The following GRM7 variants were observed in gnomAD, a reference collection of about 807,000 sequenced individuals.
The protein encoded by GRM7 is metabotropic glutamate receptor 7.
GRM7 carries 35 observed loss-of-function variants against 84.5 expected under a neutral mutation model. The observed-to-expected ratio is 0.41, with a 90% CI of 0.32 to 0.55. The LOEUF (loss-of-function observed/expected upper bound fraction) is 0.55. GRM7 is among the 20% of genes least tolerant of loss of function. GRM7 has a pLI of 0.19. For synonymous variants in GRM7, 487 were observed against 455.1 expected (o/e 1.07, Z -0.89); for missense variants, 1,003 against 1,194.6 (o/e 0.84, Z 2.36).
At chr3:7,631,940 G>C (rs73810808) in intron 8 of GRM7, among the ~76,000 whole-genome samples, 1 of 152,202 alleles carries the variant, frequency 6.6e-6, no homozygotes, top group Non-Finnish European at 1.5e-5. Context: ...GAGTCAGAGA[G>C]TGGAACTAAT....
At chr3:7,092,183 C>T (rs1040622938) in intron 1 of GRM7, among the ~76,000 whole-genome samples, 14 of 151,852 alleles carry the variant, frequency 9.2e-5, no homozygotes, top group Admixed American at 5.9e-4. Context: ...TCTTTTAATC[C>T]GTGAAGTAAA....
At chr3:7,043,997 A>T (rs1696717485) in intron 1 of GRM7, among the ~76,000 whole-genome samples, 1 of 152,156 alleles carries the variant, frequency 6.6e-6, no homozygotes, top group Non-Finnish European at 1.5e-5. Flanking sequence ...TGCATTTTGT[A>T]TGTTGATTAA....
At chr3:7,679,811 A>G (rs2125140227) in intron 8 of GRM7, among the ~76,000 whole-genome samples, 1 of 152,328 alleles carries the variant, frequency 6.6e-6, no homozygotes, top group East Asian at 1.9e-4. Context: ...ACTTTAATAT[A>G]AGAGACTTCT....
chr3:7,008,417 T>C lies in GRM7; in HGVS notation c.520-138035T>C, dbSNP rs190007082. ...TGGAAACGTCTGATGACAATTCACA[T>C]CATCCTAGGAGGCCTTTACACTTAC... On this transcript the variant is annotated intron_variant, in intron 1 of 9. Transcript: ENST00000357716. Among the ~76,000 whole-genome samples the C allele has an allele frequency of 1.9e-3, 293 of 152,276 alleles. 2 individuals carry two copies. Among genetic ancestry groups the C allele is most frequent in the African/African-American group, 6.8e-3 (281 of 41,548 alleles).
intron 2 of GRM7, among the ~76,000 whole-genome samples, chr3:7,167,294 G>T (rs1375577887): frequency 6.6e-6 from 1 of 152,164 alleles, no homozygotes; most frequent in Admixed American, 6.5e-5. Flanking sequence ...TTCTTACGGA[G>T]CCTGTGACAC....
At chr3:7,126,250 C>A (rs1283025234) in intron 1 of GRM7, among the ~76,000 whole-genome samples, 1 of 152,176 alleles carries the variant, frequency 6.6e-6, no homozygotes, top group Non-Finnish European at 1.5e-5. Flanking sequence ...GGCTGCTGCT[C>A]TGGTACTTTG....
intron 5 of GRM7, among the ~76,000 whole-genome samples, chr3:7,440,397 G>C (rs921482228): frequency 6.6e-6 from 1 of 152,074 alleles, no homozygotes; most frequent in Non-Finnish European, 1.5e-5. Flanking sequence ...TTCTCTTTGG[G>C]GATGACTATT....
At chr3:6,936,644 G>A (rs1289537790) in intron 1 of GRM7, among the ~76,000 whole-genome samples, 4 of 152,120 alleles carry the variant, frequency 2.6e-5, no homozygotes, top group Non-Finnish European at 5.9e-5. Flanking sequence ...ATTGGACCCA[G>A]GATGATAATT....
At chr3:6,895,119 A>G (rs115039697) in intron 1 of GRM7, among the ~76,000 whole-genome samples, 7,988 of 152,232 alleles carry the variant, frequency 0.052, 233 homozygotes, top group African/African-American at 0.066. Flanking sequence ...GAACCAGGTC[A>G]CAGCTATCCA....
intron 1 of GRM7, among the ~76,000 whole-genome samples, chr3:6,946,865 C>A (rs1038098502): frequency 6.6e-6 from 1 of 152,026 alleles, no homozygotes; most frequent in African/African-American, 2.4e-5. Context: ...TCTGTTATTG[C>A]TGTATAAGAA....
chr3:7,318,120 T>C (rs1195162858), intron 4 of GRM7, among the ~76,000 whole-genome samples: 1 of 152,136 alleles, frequency 6.6e-6, no homozygotes, highest in African/African-American at 2.4e-5. Flanking sequence ...ATCTTTTGAA[T>C]CAACTGCTGC....
chr3:7,514,595 C>G (rs1007297929), intron 7 of GRM7, among the ~76,000 whole-genome samples: 2 of 152,188 alleles, frequency 1.3e-5, no homozygotes, highest in African/African-American at 4.8e-5. Flanking sequence ...AATCCCACTC[C>G]TGTTTCTATC....
intron 9 of GRM7, among the ~76,000 whole-genome samples, chr3:7,708,386 G>A (rs1421736292): frequency 6.6e-6 from 1 of 152,030 alleles, no homozygotes; most frequent in African/African-American, 2.4e-5. Flanking sequence ...AGACTGGCCG[G>A]TTGCACAGAA....
At chr3:6,967,369 T>G (rs1693562707) in intron 1 of GRM7, among the ~76,000 whole-genome samples, 3 of 152,010 alleles carry the variant, frequency 2.0e-5, no homozygotes, top group Admixed American at 1.3e-4. Context: ...CTCCTTTTTG[T>G]GCGTTTTGTA....
intron 2 of GRM7, among the ~76,000 whole-genome samples, chr3:7,237,833 C>T (rs545128381): frequency 5.0e-4 from 76 of 152,180 alleles, no homozygotes; most frequent in African/African-American, 1.7e-3. Flanking sequence ...TGCAGCGTAA[C>T]GATTGGTCCA....
At chr3:7,124,691 TTCAG>T (rs1189682791) in intron 1 of GRM7, among the ~76,000 whole-genome samples, 1 of 152,140 alleles carries the variant, frequency 6.6e-6, no homozygotes, top group Non-Finnish European at 1.5e-5. Flanking sequence ...AGAGAGGTGA[TTCAG>T]TCATTTATTA....
intron 4 of GRM7, among the ~76,000 whole-genome samples, chr3:7,405,087 G>C (rs1005342527): frequency 1.3e-5 from 2 of 152,090 alleles, no homozygotes; most frequent in African/African-American, 4.8e-5. Flanking sequence ...TTAAACCAAA[G>C]CTCTGGGCAT....
chr3:6,950,439 G>A (rs377159247), intron 1 of GRM7, among the ~76,000 whole-genome samples: 4 of 152,118 alleles, frequency 2.6e-5, no homozygotes, highest in African/African-American at 4.8e-5. Flanking sequence ...AGGAGTACCC[G>A]GCCGTGTGAG....
intron 1 of GRM7, among the ~76,000 whole-genome samples, chr3:6,922,093 C>G (rs550150012): frequency 9.9e-5 from 15 of 152,184 alleles, no homozygotes; most frequent in Non-Finnish European, 2.2e-4. Flanking sequence ...TCCGAGCACG[C>G]CTCTTTCTGA....
Sources: gnomAD v4.1 joint callset for allele counts (sites outside exome capture counted in the v4.1 genomes callset) on GRCh38, gnomAD v4.1.1 for gene constraint, MANE v1.5 for transcripts, NCBI Gene and HGNC (gene_info 2026-07-23, HGNC 2026-07-21) for gene names.